The following PDLIM5 variants were observed in gnomAD, a reference collection of about 807,000 sequenced individuals.
PDLIM5 encodes PDZ and LIM domain protein 5.
In PDLIM5, 34 loss-of-function variants were observed where a neutral mutation model predicts 64.2. The observed-to-expected ratio is 0.53, with a 90% CI of 0.40 to 0.71. The LOEUF is 0.71. Ranked by LOEUF, PDLIM5 falls within the 30% of genes least tolerant of loss-of-function variation. PDLIM5 has a pLI of 0.00. For missense variants in PDLIM5, 683 were observed against 733.6 expected (o/e 0.93, Z 0.80); for synonymous variants, 253 against 269.1 (o/e 0.94, Z 0.59).
intron 8 of PDLIM5, among the ~76,000 whole-genome samples, chr4:94,639,899 T>C (rs1740860856): frequency 6.6e-6 from 1 of 152,034 alleles, no homozygotes; most frequent in African/African-American, 2.4e-5. Flanking sequence ...TGGTGGTGCA[T>C]GCCTGTAATC....
At chr4:94,550,446 T>G (rs1732710106) in intron 3 of PDLIM5, among the ~76,000 whole-genome samples, 1 of 152,212 alleles carries the variant, frequency 6.6e-6, no homozygotes, top group Non-Finnish European at 1.5e-5. Context: ...GTAAAATTAT[T>G]TTAAGCTCTA....
chr4:94,542,096 GA>G (rs1337361055), intron 3 of PDLIM5, among the ~76,000 whole-genome samples: 1 of 152,138 alleles, frequency 6.6e-6, no homozygotes, highest in Admixed American at 6.5e-5. Flanking sequence ...CAGATCACCT[GA>G]GGTCAGGAGT....
chr4:94,484,895 C>T lies in PDLIM5; in HGVS notation c.96+29511C>T, dbSNP rs539218549. ...GTTTGATATTATATACAGAACAAGA[C>T]CATATTCCTAATATTTATCTTGACA... On this transcript the variant is annotated intron_variant, in intron 2 of 12. Coordinates refer to ENST00000317968, the MANE Select transcript of PDLIM5 (RefSeq NM_006457.5). Among the ~76,000 whole-genome samples the T allele has an allele frequency of 2.6e-5, 4 of 152,208 alleles. No homozygotes were observed. In the East Asian group the frequency reaches 7.7e-4, roughly 29 times the overall value.
chr4:94,531,190 A>G (rs1730840389), intron 3 of PDLIM5, among the ~76,000 whole-genome samples: 1 of 149,580 alleles, frequency 6.7e-6, no homozygotes, highest in African/African-American at 2.5e-5. Context: ...TTCTTTGCTT[A>G]TTTGTTTTTA....
At chr4:94,627,941 C>A (rs926226351) in intron 8 of PDLIM5, among the ~76,000 whole-genome samples, 1 of 152,156 alleles carries the variant, frequency 6.6e-6, no homozygotes, top group African/African-American at 2.4e-5. Flanking sequence ...AATGTATCTT[C>A]CACACCAGAA....
In PDLIM5 at chr4:94,664,174, A is replaced by G; in HGVS notation, c.*107A>G. On this transcript the variant is annotated 3_prime_UTR_variant, in exon 13 of 13. Coordinates refer to ENST00000317968, the MANE Select transcript of PDLIM5 (RefSeq NM_006457.5). Reference sequence around the variant, plus strand: ...TTTATATGGAGTTTTGAAAAATAATAGTGGCCCTGAAGGAATAAATTCCAG... The same window carrying G: ...TTTATATGGAGTTTTGAAAAATAATGGTGGCCCTGAAGGAATAAATTCCAG... 2 of 1,298,640 alleles carry G rather than the reference A, an allele frequency of 1.5e-6. No homozygotes were observed. Among genetic ancestry groups the G allele is most frequent in the East Asian group, 2.9e-5 (1 of 34,776 alleles). The allele number at this position is 1,298,640 out of a possible 1,614,324, so 80.4% of individuals were successfully genotyped here.
intron 2 of PDLIM5, among the ~76,000 whole-genome samples, chr4:94,519,337 G>T (rs1410099320): frequency 6.6e-6 from 1 of 152,156 alleles, no homozygotes; most frequent in African/African-American, 2.4e-5. Flanking sequence ...GCATTTTGTG[G>T]TATGTGCTGT....
intron 2 of PDLIM5, among the ~76,000 whole-genome samples, chr4:94,516,394 A>G (rs975003390): frequency 1.4e-4 from 21 of 152,238 alleles, no homozygotes; most frequent in African/African-American, 3.9e-4. Flanking sequence ...AGTCAGGATT[A>G]CACATTTGCT....
intron 3 of PDLIM5, among the ~76,000 whole-genome samples, chr4:94,525,054 T>C (rs557205914): frequency 6.6e-6 from 1 of 152,156 alleles, no homozygotes; most frequent in Non-Finnish European, 1.5e-5. Flanking sequence ...CCCTCCCCAA[T>C]CTCTTCCATA....
chr4:94,654,216 G>C (rs181791703), intron 9 of PDLIM5, among the ~76,000 whole-genome samples: 29 of 152,230 alleles, frequency 1.9e-4, no homozygotes, highest in African/African-American at 5.8e-4. Flanking sequence ...CCCTTAGGCA[G>C]AAAAAGGGTG....
At chr4:94,640,491 C>T in intron 9 of PDLIM5, 41 bp downstream of exon 9, 2 of 987,902 alleles carry the variant, frequency 2.0e-6, no homozygotes, top group Non-Finnish European at 2.9e-6. Flanking sequence ...TACTTAATAT[C>T]AATGTTGGGT....
chr4:94,534,659 C>T (rs1214557345), intron 3 of PDLIM5, among the ~76,000 whole-genome samples: 1 of 152,114 alleles, frequency 6.6e-6, no homozygotes, highest in Admixed American at 6.6e-5. Context: ...ATGTAAAGAG[C>T]CTAGGACATA....
chr4:94,551,033 A>C (rs1357709475), intron 3 of PDLIM5, among the ~76,000 whole-genome samples: 1 of 152,154 alleles, frequency 6.6e-6, no homozygotes, highest in Non-Finnish European at 1.5e-5. Context: ...AAGGCCCAAG[A>C]AAAGGTTAGA....
chr4:94,620,163 A>G (rs1049519753), intron 8 of PDLIM5, among the ~76,000 whole-genome samples: 1 of 152,206 alleles, frequency 6.6e-6, no homozygotes, highest in Admixed American at 6.5e-5. Flanking sequence ...ACCACTCTGT[A>G]CAGAATGTAC....
intron 2 of PDLIM5, among the ~76,000 whole-genome samples, chr4:94,521,542 G>A (rs767353291): frequency 7.9e-5 from 12 of 151,538 alleles, no homozygotes; most frequent in Non-Finnish European, 1.8e-4. Flanking sequence ...CAGAATAAAC[G>A]TGGTCCTAGA....
chr4:94,471,851 A>G (rs1220055844), intron 2 of PDLIM5, among the ~76,000 whole-genome samples: 11 of 152,208 alleles, frequency 7.2e-5, no homozygotes, highest in Non-Finnish European at 1.5e-4. Flanking sequence ...AAGTTACCTT[A>G]TAAGTATTTG....
intron 7 of PDLIM5, among the ~76,000 whole-genome samples, chr4:94,598,725 A>G (rs1737256909): frequency 6.6e-6 from 1 of 152,156 alleles, no homozygotes; most frequent in Non-Finnish European, 1.5e-5. Flanking sequence ...AAGGAAAAAT[A>G]CAGTTTTAGG....
At chr4:94,527,911 G>A (rs556747898) in intron 3 of PDLIM5, among the ~76,000 whole-genome samples, 1 of 152,312 alleles carries the variant, frequency 6.6e-6, no homozygotes, top group South Asian at 2.1e-4. Context: ...TAGAAGCAAT[G>A]GAAGAAACAC....
intron 2 of PDLIM5, among the ~76,000 whole-genome samples, chr4:94,485,564 G>T (rs765092796): frequency 6.6e-6 from 1 of 152,126 alleles, no homozygotes; most frequent in Non-Finnish European, 1.5e-5. Flanking sequence ...GCTGGGTGCG[G>T]TGGCTTATGC....
Sources: allele counts gnomAD v4.1 joint callset (sites outside exome capture counted in the v4.1 genomes callset), GRCh38; gene constraint gnomAD v4.1.1; transcripts MANE v1.5; gene names NCBI Gene and HGNC (gene_info 2026-07-23, HGNC 2026-07-21).